PRDM16: variants seen among roughly 807,000 people sequenced by gnomAD.
The protein encoded by PRDM16 is histone-lysine N-methyltransferase PRDM16.
A neutral mutation model predicts 110.6 loss-of-function variants in PRDM16; 23 were observed. The observed-to-expected ratio is 0.21, with a 90% CI of 0.15 to 0.29. The LOEUF is 0.29. Among genes scored for constraint, PRDM16 ranks in the 10% least tolerant of loss-of-function variants. The pLI, the probability that PRDM16 is intolerant of heterozygous loss-of-function variation, is 1.00. For synonymous variants in PRDM16, 799 were observed against 781.8 expected (o/e 1.02, Z -0.37); for missense variants, 1,615 against 1,794.3 (o/e 0.90, Z 1.81).
rs3036535 is a variant in PRDM16, at chr1:3,335,602, A to AACACACACACACACACAC, written c.439-49527_439-49510dup. Among the ~76,000 whole-genome samples the AACACACACACACACACAC allele has an allele frequency of 1.4e-3, 203 of 144,420 alleles. 2 individuals carry two copies. The highest frequency in any genetic ancestry group is 0.014 in the Middle Eastern group (4 of 288). The allele number at this position is 144,420 out of a possible 152,430, so 94.7% of individuals were successfully genotyped here. The stretch of plus-strand genomic sequence containing the variant: ...AAATCTAACCTTTGGCTGAGGTTAA[A>AACACACACACACACACAC]ACACACACACACACACACACACACA... On this transcript the variant is annotated intron_variant, in intron 3 of 16. Coordinates refer to ENST00000270722, the MANE Select transcript of PRDM16 (RefSeq NM_022114.4).
intron 2 of PRDM16, among the ~76,000 whole-genome samples, chr1:3,211,452 G>A (rs1170318748): frequency 3.3e-5 from 5 of 152,216 alleles, no homozygotes; most frequent in East Asian, 1.9e-4. Flanking sequence ...CTGGAGATGC[G>A]GCCGTGGGTG....
At chr1:3,095,308 C>T (rs1019667779) in intron 1 of PRDM16, among the ~76,000 whole-genome samples, 4 of 147,378 alleles carry the variant, frequency 2.7e-5, no homozygotes, top group Non-Finnish European at 4.4e-5. Context: ...AAGAGGGCTG[C>T]GGAGAAAGTG....
chr1:3,403,888 C>T (rs1643515601), intron 6 of PRDM16, among the ~76,000 whole-genome samples: 8 of 152,244 alleles, frequency 5.3e-5, no homozygotes, highest in Admixed American at 3.9e-4. Flanking sequence ...GCACCGCTCC[C>T]TGGGGACGGC....
intron 10 of PRDM16, 147 bp downstream of exon 10, chr1:3,414,794 T>TTC: frequency 3.0e-6 from 2 of 656,504 alleles, no homozygotes; most frequent in South Asian, 3.7e-5. Context: ...CAGAGGAGGA[T>TTC]TCTCTCCCTG....
In PRDM16 at chr1:3,430,253, G is replaced by A. The variant is rs115313452; in HGVS notation, c.3285-619G>A. Among the ~76,000 whole-genome samples the A allele has an allele frequency of 6.5e-3, 992 of 152,290 alleles. 12 individuals carry two copies. Among genetic ancestry groups the A allele is most frequent in the African/African-American group, 0.022 (899 of 41,566 alleles). Reference sequence around the variant, plus strand: ...CTTTTTTATTTAATACTGAGGAACCGGAGTGGAGGGGTCCTGCCGGGCTGC... The same window carrying A: ...CTTTTTTATTTAATACTGAGGAACCAGAGTGGAGGGGTCCTGCCGGGCTGC... On this transcript the variant is annotated intron_variant, in intron 14 of 16. Coordinates refer to ENST00000270722, the MANE Select transcript of PRDM16 (RefSeq NM_022114.4).
In PRDM16 at chr1:3,431,292, G is replaced by A. The variant is rs577550707; in HGVS notation, c.3521+184G>A. On this transcript the variant is annotated intron_variant, in intron 15 of 16. Coordinates refer to ENST00000270722, the MANE Select transcript of PRDM16 (RefSeq NM_022114.4). ...CTGGGCCAGGGGCAACGGGGTCAGG[G>A]GCCCTTAACCCCCCCACCCACCCCC... is the stretch of plus-strand genomic sequence containing the variant. 2.1e-4 allele frequency among the ~76,000 whole-genome samples: 32 copies of A among 152,314 alleles called. 1 individual carries two copies. In the South Asian group the frequency reaches 3.7e-3, roughly 18 times the overall value.
chr1:3,397,837 C>A (rs1643408501), intron 5 of PRDM16, among the ~76,000 whole-genome samples: 1 of 152,198 alleles, frequency 6.6e-6, no homozygotes, highest in South Asian at 2.1e-4. Flanking sequence ...GGCTTCGAGA[C>A]CAGACATGGA....
intron 1 of PRDM16, among the ~76,000 whole-genome samples, chr1:3,074,141 C>T (rs1227371738): frequency 1.3e-5 from 2 of 152,218 alleles, no homozygotes; most frequent in Non-Finnish European, 2.9e-5. Context: ...CCGGCAACCT[C>T]GGGAGACGGG....
At chr1:3,258,916 A>G (rs1640105705) in intron 3 of PRDM16, among the ~76,000 whole-genome samples, 1 of 152,248 alleles carries the variant, frequency 6.6e-6, no homozygotes, top group Non-Finnish European at 1.5e-5. Flanking sequence ...TAATTATCGG[A>G]AGAGAATCTG....
At chr1:3,279,757 T>C (rs1178232212) in intron 3 of PRDM16, among the ~76,000 whole-genome samples, 9 of 151,944 alleles carry the variant, frequency 5.9e-5, no homozygotes, top group Admixed American at 2.0e-4. Flanking sequence ...CACCGCCTCC[T>C]GCCCCTTTCC....
At chr1:3,090,644 G>A (rs1642256670) in intron 1 of PRDM16, among the ~76,000 whole-genome samples, 1 of 152,190 alleles carries the variant, frequency 6.6e-6, no homozygotes, top group African/African-American at 2.4e-5. Context: ...GGGCAGACTC[G>A]GCCACACAGC....
intron 1 of PRDM16, among the ~76,000 whole-genome samples, chr1:3,076,895 A>G (rs1207408109): frequency 6.6e-6 from 1 of 152,072 alleles, no homozygotes; most frequent in Non-Finnish European, 1.5e-5. Flanking sequence ...ACATGGGGTG[A>G]TGGTGGGTGT....
chr1:3,402,980 T>C lies in PRDM16; in HGVS notation c.866T>C (p.Met289Thr), dbSNP rs765044618. 19 of 1,608,324 alleles carry C rather than the reference T, an allele frequency of 1.2e-5. No individual in the cohort carries two copies. In the East Asian group the frequency reaches 4.2e-4, roughly 36 times the overall value. The change falls in exon 6 of 17, where the codon ATG becomes ACG. Residue 289 changes from methionine to threonine, a missense_variant. By Grantham distance (81) the Met-to-Thr change is moderately conservative (BLOSUM62 -1). Coordinates refer to ENST00000270722, the MANE Select transcript of PRDM16 (RefSeq NM_022114.4). ...QAHECKDCER[M>T]FPNKYSLEQH... Reference sequence around the variant, plus strand: ...CACGAGTGCAAGGACTGCGAGCGGATGTTCCCCAACAAGTACAGGTGCCAC... The same window carrying C: ...CACGAGTGCAAGGACTGCGAGCGGACGTTCCCCAACAAGTACAGGTGCCAC...
rs1642642095 is a variant in PRDM16 at position 3,358,036 on chromosome 1, C to T, written c.439-27116C>T. Among the ~76,000 whole-genome samples, 1 of 152,282 alleles carries T rather than the reference C, an allele frequency of 6.6e-6. No homozygotes were observed. The highest frequency in any genetic ancestry group is 1.5e-5 in the Non-Finnish European group (1 of 68,048). On this transcript the variant is annotated intron_variant, in intron 3 of 16. Coordinates refer to ENST00000270722, the MANE Select transcript of PRDM16 (RefSeq NM_022114.4). This position sits in a 1 kb window ranked among gnomAD's most constrained non-coding sequence, Gnocchi z 4.0. ...ATGCTCGCCCATGAGCTGAGTCTGC[C>T]TTGACCACTGAAGGAGGCTGCCCTG... is the stretch of plus-strand genomic sequence containing the variant.
chr1:3,407,905 G>C (rs1463837359), intron 8 of PRDM16, among the ~76,000 whole-genome samples: 1 of 152,222 alleles, frequency 6.6e-6, no homozygotes, highest in South Asian at 2.1e-4. Context: ...TTTTGCTAAG[G>C]GGATAAAGCT....
chr1:3,415,883 G>C (rs747124040), intron 10 of PRDM16, among the ~76,000 whole-genome samples: 4 of 152,242 alleles, frequency 2.6e-5, no homozygotes, highest in Admixed American at 6.5e-5. Flanking sequence ...TAAAGACCTC[G>C]ACAAAGCCCA....
intron 3 of PRDM16, among the ~76,000 whole-genome samples, chr1:3,327,877 AC>A (rs1430621747): frequency 6.6e-6 from 1 of 152,162 alleles, no homozygotes; most frequent in Non-Finnish European, 1.5e-5. Flanking sequence ...GGCCACTGTT[AC>A]CCCCATTCCA....
chr1:3,199,841 C>G (rs1239049961), intron 2 of PRDM16, among the ~76,000 whole-genome samples: 1 of 152,218 alleles, frequency 6.6e-6, no homozygotes, highest in Non-Finnish European at 1.5e-5. Flanking sequence ...GGAGAGACCA[C>G]GGTGCACCCT....
rs1166502768 is a variant in PRDM16, at chr1:3,353,559, T to G, written c.439-31593T>G. On this transcript the variant is annotated intron_variant, in intron 3 of 16. Transcript: ENST00000270722. This position sits in a 1 kb window ranked among gnomAD's most constrained non-coding sequence, Gnocchi z 5.4. ...ACCCCGTTACACTCCAGCCAAGTAC[T>G]GGGGGCCACGGGCTGAGGGCACAGG... Among the ~76,000 whole-genome samples, 1 of 152,090 alleles carries G rather than the reference T, an allele frequency of 6.6e-6. No individual in the cohort carries two copies. The highest frequency in any genetic ancestry group is 1.5e-5 in the Non-Finnish European group (1 of 67,978).
Sources: gnomAD v4.1 joint callset for allele counts (sites outside exome capture counted in the v4.1 genomes callset) on GRCh38, gnomAD v4.1.1 for gene constraint, Gnocchi (gnomAD v3.1) non-coding constraint, MANE v1.5 for transcripts, NCBI Gene and HGNC (gene_info 2026-07-23, HGNC 2026-07-21) for gene names.